The following TCF7L2 variants were observed in gnomAD, a reference collection of about 807,000 sequenced individuals.
TCF7L2 encodes transcription factor 7 like 2, also known as transcription factor 7-like 2.
Under a neutral mutation model 77.9 loss-of-function variants are expected in TCF7L2, and 23 were observed. The ratio of observed to expected loss-of-function variants is 0.30; its 90% CI spans 0.21 to 0.42. The LOEUF (loss-of-function observed/expected upper bound fraction) is 0.42, where lower values mean the gene tolerates loss of function less well. Ranked by LOEUF, TCF7L2 falls within the 10% of genes least tolerant of loss-of-function variation. The pLI is 1.00. For synonymous variants in TCF7L2, 413 were observed against 340.2 expected (o/e 1.21, Z -2.36); for missense variants, 654 against 793.1 (o/e 0.82, Z 2.11).
At chr10:113,144,429 T>G (rs2068949706) in intron 7 of TCF7L2, among the ~76,000 whole-genome samples, 1 of 152,136 alleles carries the variant, frequency 6.6e-6, no homozygotes, top group African/African-American at 2.4e-5. Context: ...GTTGAGGCTG[T>G]CGAGTCCTCC....
chr10:113,138,354 A>G (rs2067746465), intron 5 of TCF7L2, among the ~76,000 whole-genome samples: 1 of 150,882 alleles, frequency 6.6e-6, no homozygotes, highest in African/African-American at 2.4e-5. Context: ...GTTAGTAGCC[A>G]GAACACAGGG....
At chr10:112,964,171 C>T (rs1185318621) in intron 3 of TCF7L2, among the ~76,000 whole-genome samples, 1 of 152,120 alleles carries the variant, frequency 6.6e-6, no homozygotes, top group Non-Finnish European at 1.5e-5. Flanking sequence ...CTCTTGCCTA[C>T]ATGTTGCAAT....
intron 4 of TCF7L2, among the ~76,000 whole-genome samples, chr10:112,968,306 TCTCTTCCTC>T (rs1037954985): frequency 4.6e-5 from 7 of 152,122 alleles, no homozygotes; most frequent in South Asian, 2.1e-4. Flanking sequence ...TTCTCTTCCT[TCTCTTCCTC>T]CTCTTCCTCC....
chr10:112,980,817 G>A (rs921463495), intron 4 of TCF7L2, among the ~76,000 whole-genome samples: 4 of 151,998 alleles, frequency 2.6e-5, no homozygotes, highest in Middle Eastern at 3.2e-3. Flanking sequence ...TAGTAGAGAC[G>A]GGGTTTCACA....
At chr10:113,025,185 G>A (rs1202019131) in intron 4 of TCF7L2, among the ~76,000 whole-genome samples, 1 of 150,218 alleles carries the variant, frequency 6.7e-6, no homozygotes, top group Non-Finnish European at 1.5e-5. Context: ...AGCCACCTGA[G>A]TAGCTGGGAC....
chr10:112,996,223 A>T (rs1230510056), intron 4 of TCF7L2, among the ~76,000 whole-genome samples: 1 of 152,102 alleles, frequency 6.6e-6, no homozygotes, highest in Non-Finnish European at 1.5e-5. Flanking sequence ...AATGTTGTGC[A>T]TTGAGAAAAA....
chr10:112,995,497 T>G (rs1241044918), intron 4 of TCF7L2, among the ~76,000 whole-genome samples: 1 of 152,002 alleles, frequency 6.6e-6, no homozygotes, highest in Non-Finnish European at 1.5e-5. Context: ...GCGGGAGGCG[T>G]AACTGGGAGT....
At chr10:112,972,283 C>T (rs928945331) in intron 4 of TCF7L2, among the ~76,000 whole-genome samples, 2 of 152,018 alleles carry the variant, frequency 1.3e-5, no homozygotes, top group African/African-American at 2.4e-5. Flanking sequence ...CTTTATTTTC[C>T]CATTCTTATG....
At chr10:113,001,823 CTTGT>C (rs1174811655) in intron 4 of TCF7L2, among the ~76,000 whole-genome samples, 2 of 152,142 alleles carry the variant, frequency 1.3e-5, no homozygotes, top group African/African-American at 4.8e-5. Flanking sequence ...CTAAGATAGT[CTTGT>C]TTGTTTCTTT....
chr10:113,158,492 T>C (rs942528196), intron 12 of TCF7L2, among the ~76,000 whole-genome samples, 175 bp from the exon 13 acceptor site: 1 of 152,328 alleles, frequency 6.6e-6, no homozygotes, highest in South Asian at 2.1e-4. Context: ...TTCTGATGCA[T>C]GCCTTTACAG....
chr10:113,081,730 T>A (rs892810941), intron 5 of TCF7L2, among the ~76,000 whole-genome samples: 1 of 152,058 alleles, frequency 6.6e-6, no homozygotes, highest in African/African-American at 2.4e-5. Flanking sequence ...CAAATGGGAG[T>A]GATAGCTGGT....
At chr10:113,070,298 T>C (rs1408629854) in intron 5 of TCF7L2, among the ~76,000 whole-genome samples, 2 of 138,704 alleles carry the variant, frequency 1.4e-5, no homozygotes, top group Non-Finnish European at 3.1e-5. Context: ...TATGAATTAA[T>C]TAATTTAATG....
At chr10:113,088,948 A>C (rs2060102664) in intron 5 of TCF7L2, among the ~76,000 whole-genome samples, 1 of 152,148 alleles carries the variant, frequency 6.6e-6, no homozygotes, top group South Asian at 2.1e-4. Context: ...TTAGAAAAAA[A>C]AAAAAAAGAT....
chr10:112,994,871 G>A (rs995404174), intron 4 of TCF7L2, among the ~76,000 whole-genome samples: 5 of 152,000 alleles, frequency 3.3e-5, no homozygotes, highest in African/African-American at 7.3e-5. Flanking sequence ...AGACTGAGGC[G>A]AGCAGATCAC....
intron 4 of TCF7L2, among the ~76,000 whole-genome samples, chr10:113,033,237 C>T (rs1397023370): frequency 6.7e-6 from 1 of 150,212 alleles, no homozygotes. Context: ...CTCTCTCTCT[C>T]TCTCGTTTCC....
chr10:113,034,541 C>G (rs1036559606), intron 4 of TCF7L2, among the ~76,000 whole-genome samples: 1 of 152,202 alleles, frequency 6.6e-6, no homozygotes, highest in African/African-American at 2.4e-5. Context: ...GTACAACTTT[C>G]TGGCACCAGA....
intron 13 of TCF7L2, among the ~76,000 whole-genome samples, chr10:113,163,183 A>G (rs1330361116): frequency 6.6e-6 from 1 of 152,070 alleles, no homozygotes; most frequent in Non-Finnish European, 1.5e-5. Flanking sequence ...CATTCCTATG[A>G]TCTGGAAACT....
At chr10:113,098,709 A>C (rs772381950) in intron 5 of TCF7L2, among the ~76,000 whole-genome samples, 2 of 152,178 alleles carry the variant, frequency 1.3e-5, no homozygotes, top group Non-Finnish European at 2.9e-5. Context: ...CTGTCTCAAA[A>C]CAAAACAAAA....
At chr10:113,104,168 A>T (rs1564899237) in intron 5 of TCF7L2, among the ~76,000 whole-genome samples, 1 of 152,160 alleles carries the variant, frequency 6.6e-6, no homozygotes, top group Non-Finnish European at 1.5e-5. Context: ...CAAAGAGATG[A>T]TTTCCTAATC....
Sources: allele counts gnomAD v4.1 joint callset (sites outside exome capture counted in the v4.1 genomes callset), GRCh38; gene constraint gnomAD v4.1.1; transcripts MANE v1.5; gene names NCBI Gene and HGNC (gene_info 2026-07-23, HGNC 2026-07-21).